The following FGF1 variants were observed in gnomAD, a reference collection of about 807,000 sequenced individuals.
FGF1 encodes the protein fibroblast growth factor 1.
Under a neutral mutation model 13.4 loss-of-function variants are expected in FGF1, and 9 were observed. That is an observed-to-expected ratio of 0.67 (90% CI 0.40 to 1.17). The LOEUF (loss-of-function observed/expected upper bound fraction) is 1.17, where lower values mean the gene tolerates loss of function less well. FGF1 is among the 50% of genes most tolerant of loss of function. The probability of loss-of-function intolerance (pLI) is 0.01; values close to 1 mark genes in which losing one functional copy is unlikely to be tolerated. For synonymous variants in FGF1, 93 were observed against 79.0 expected, an observed-to-expected ratio of 1.18 and a Z score of -0.94; for missense variants, 156 against 192.7, an observed-to-expected ratio of 0.81 and a Z score of 1.13.
intron 1 of FGF1, among the ~76,000 whole-genome samples, chr5:142,661,044 T>C (rs1322893100): frequency 6.6e-6 from 1 of 152,222 alleles, no homozygotes; most frequent in African/African-American, 2.4e-5. Flanking sequence ...TGCAAAATAT[T>C]ATCCATCATA....
At chr5:142,600,087 AT>A (rs1443605938) in intron 3 of FGF1, among the ~76,000 whole-genome samples, 1 of 152,192 alleles carries the variant, frequency 6.6e-6, no homozygotes, top group Non-Finnish European at 1.5e-5. Flanking sequence ...CTCAAGAAAC[AT>A]TTTTGGGCTG....
intron 1 of FGF1, among the ~76,000 whole-genome samples, chr5:142,648,572 G>A (rs1381678105): frequency 6.6e-6 from 1 of 151,506 alleles, no homozygotes; most frequent in Admixed American, 6.6e-5. Flanking sequence ...CAGGTTGATG[G>A]GTGCAGCAAA....
At chr5:142,630,587 C>T (rs1250220319) in intron 1 of FGF1, among the ~76,000 whole-genome samples, 1 of 152,192 alleles carries the variant, frequency 6.6e-6, no homozygotes, top group African/African-American at 2.4e-5. Flanking sequence ...CCTGTATGGT[C>T]TGGCCTCACC....
chr5:142,666,066 C>G (rs1435613069), intron 1 of FGF1, among the ~76,000 whole-genome samples: 2 of 152,150 alleles, frequency 1.3e-5, no homozygotes, highest in African/African-American at 4.8e-5. Flanking sequence ...GCCACTTTGA[C>G]TGCCAGTGGA....
At chr5:142,639,648 G>A (rs532011863) in intron 1 of FGF1, among the ~76,000 whole-genome samples, 3 of 152,060 alleles carry the variant, frequency 2.0e-5, no homozygotes, top group Admixed American at 6.5e-5. Flanking sequence ...GAGATCTATC[G>A]TACAGCATGG....
intron 1 of FGF1, among the ~76,000 whole-genome samples, chr5:142,615,502 G>T (rs1029188820): frequency 5.8e-4 from 88 of 152,346 alleles, no homozygotes; most frequent in African/African-American, 2.0e-3. Flanking sequence ...GATTACAGGC[G>T]TAAGCCACCG....
intron 1 of FGF1, among the ~76,000 whole-genome samples, chr5:142,655,014 TCA>T: frequency 6.6e-6 from 1 of 152,348 alleles, no homozygotes; most frequent in African/African-American, 2.4e-5. Flanking sequence ...AGGAAAACAG[TCA>T]GTTCTTTGGA....
chr5:142,685,922 GCT>G (rs933128506), intron 1 of FGF1, 33 bp downstream of exon 1: 4 of 151,566 alleles, frequency 2.6e-5, no homozygotes, highest in South Asian at 2.1e-4. Flanking sequence ...GCTATAACCT[GCT>G]CTGTTTCCCA....
intron 1 of FGF1, among the ~76,000 whole-genome samples, chr5:142,650,666 G>GTA (rs1316749342): frequency 6.7e-6 from 1 of 149,868 alleles, no homozygotes; most frequent in African/African-American, 2.5e-5. Context: ...ATGTGTGTGT[G>GTA]TGTATATATA....
chr5:142,662,692 C>T (rs573749204), intron 1 of FGF1, among the ~76,000 whole-genome samples: 1 of 152,162 alleles, frequency 6.6e-6, no homozygotes, highest in African/African-American at 2.4e-5. Context: ...GTATGGAGTG[C>T]GTGAATGAAA....
intron 1 of FGF1, among the ~76,000 whole-genome samples, chr5:142,614,606 G>C (rs1759816621): frequency 6.6e-6 from 1 of 152,188 alleles, no homozygotes; most frequent in Non-Finnish European, 1.5e-5. Context: ...CGTTGCGTTG[G>C]TGAGGTACCG....
intron 1 of FGF1, among the ~76,000 whole-genome samples, chr5:142,672,598 A>G (rs9885434): frequency 0.33 from 48,966 of 147,864 alleles, 8,521 homozygotes; most frequent in African/African-American, 0.47. Flanking sequence ...TCCGCTTCCC[A>G]GGTTCAAGCC....
At chr5:142,665,914 AG>A (rs374586625) in intron 1 of FGF1, among the ~76,000 whole-genome samples, 2 of 152,148 alleles carry the variant, frequency 1.3e-5, no homozygotes, top group African/African-American at 4.8e-5. Flanking sequence ...TGAGCACTCA[AG>A]ATGGAGCTAA....
chr5:142,689,170 TAC>T (rs1164698318), upstream of FGF1, among the ~76,000 whole-genome samples: 2 of 152,340 alleles, frequency 1.3e-5, no homozygotes, highest in Admixed American at 1.3e-4. Flanking sequence ...ACACAAATGA[TAC>T]AGTTATGTGA....
intron 1 of FGF1, among the ~76,000 whole-genome samples, chr5:142,680,557 T>C (rs1301816329): frequency 6.9e-6 from 1 of 144,466 alleles, no homozygotes; most frequent in Non-Finnish European, 1.6e-5. Context: ...GCTCATAAAA[T>C]GTGGGTAAAA....
At position 142,614,045 on chromosome 5, in the gene FGF1, A is replaced by C; in HGVS notation, c.83T>G (p.Leu28Arg). Residue 28 changes from leucine to arginine, a missense_variant, in exon 2 of 4, where the codon CTC becomes CGC. Physicochemically the swap from Leu to Arg is moderately radical, Grantham distance 102 (BLOSUM62 -2). Transcript: ENST00000337706. ...LPPGNYKKPK[L>R]LYCSNGGHFL... Reference sequence around the variant, plus strand: ...GTGGCCCCCGTTGCTACAGTAGAGGAGTTTGGGCTTCTTGTAATTCCCTGG... The same window carrying C: ...GTGGCCCCCGTTGCTACAGTAGAGGCGTTTGGGCTTCTTGTAATTCCCTGG... 1 of 1,613,916 alleles carries C rather than the reference A, an allele frequency of 6.2e-7. No individual in the cohort carries two copies. Among genetic ancestry groups the C allele is most frequent in the Non-Finnish European group, 8.5e-7 (1 of 1,179,984 alleles).
chr5:142,608,619 A>G (rs2151853683), intron 2 of FGF1, among the ~76,000 whole-genome samples: 1 of 122,718 alleles, frequency 8.1e-6, no homozygotes, highest in East Asian at 3.0e-4. Context: ...TATATATGAA[A>G]AAAAAAACCT....
intron 1 of FGF1, among the ~76,000 whole-genome samples, chr5:142,675,536 G>C (rs1772387366): frequency 6.6e-6 from 1 of 152,152 alleles, no homozygotes; most frequent in South Asian, 2.1e-4. Flanking sequence ...CAGTCAGGAG[G>C]ACCACAAAAG....
At chr5:142,681,140 G>A (rs1221456976) in intron 1 of FGF1, among the ~76,000 whole-genome samples, 1 of 152,208 alleles carries the variant, frequency 6.6e-6, no homozygotes, top group African/African-American at 2.4e-5. Context: ...ACATTCCTTG[G>A]ACAAGGTCAG....
Sources: allele counts gnomAD v4.1 joint callset (sites outside exome capture counted in the v4.1 genomes callset), GRCh38; gene constraint gnomAD v4.1.1; transcripts MANE v1.5; gene names NCBI Gene and HGNC (gene_info 2026-07-23, HGNC 2026-07-21).